Variants in TAF1B observed in about 807,000 individuals in gnomAD.
TAF1B encodes TATA-box binding protein associated factor, RNA polymerase I subunit B.
TAF1B carries 61 observed loss-of-function variants against 83.9 expected under a neutral mutation model. The observed-to-expected ratio is 0.73, with a 90% confidence interval of 0.59 to 0.90. The LOEUF is 0.90. Ranked by LOEUF, TAF1B falls within the 40% of genes least tolerant of loss-of-function variation. TAF1B has a pLI of 0.00. For missense variants in TAF1B, 625 were observed against 677.0 expected (o/e 0.92, Z 0.85); for synonymous variants, 221 against 224.6 (o/e 0.98, Z 0.14).
intron 5 of TAF1B, among the ~76,000 whole-genome samples, chr2:9,857,895 G>T (rs1016756996): frequency 1.3e-5 from 2 of 152,148 alleles, no homozygotes; most frequent in African/African-American, 4.8e-5. Context: ...AACATGTGGG[G>T]ATTACAATTC....
chr2:9,891,540 A>G (rs966659265), intron 8 of TAF1B, among the ~76,000 whole-genome samples: 5 of 152,276 alleles, frequency 3.3e-5, no homozygotes, highest in Admixed American at 2.6e-4. Flanking sequence ...TGTATTTACT[A>G]TACTTGTAAT....
At chr2:9,897,468 G>T (rs1027492025) in intron 8 of TAF1B, among the ~76,000 whole-genome samples, 1 of 152,300 alleles carries the variant, frequency 6.6e-6, no homozygotes, top group East Asian at 1.9e-4. Context: ...CTGGAAATTT[G>T]TTCTGAAGTA....
chr2:9,847,443 C>T (rs1003980022), intron 2 of TAF1B, among the ~76,000 whole-genome samples: 8 of 152,108 alleles, frequency 5.3e-5, no homozygotes, highest in African/African-American at 1.9e-4. Context: ...TGTTGAAATA[C>T]AGTGGGTGGG....
intron 9 of TAF1B, among the ~76,000 whole-genome samples, chr2:9,906,641 TTA>T (rs1476840739): frequency 2.0e-5 from 3 of 152,168 alleles, no homozygotes; most frequent in Admixed American, 6.5e-5. Context: ...TGGAAAATGT[TTA>T]TGTTATAATA....
chr2:9,859,317 C>T (rs988747085), intron 5 of TAF1B, among the ~76,000 whole-genome samples: 3 of 151,960 alleles, frequency 2.0e-5, no homozygotes, highest in Non-Finnish European at 4.4e-5. Context: ...TACTCCAGTT[C>T]CCAATAAGTT....
At chr2:9,857,397 G>A (rs909768819) in intron 5 of TAF1B, among the ~76,000 whole-genome samples, 1 of 152,184 alleles carries the variant, frequency 6.6e-6, no homozygotes, top group African/African-American at 2.4e-5. Flanking sequence ...CTTCCTGACG[G>A]ATTGGATGTG....
intron 14 of TAF1B, 112 bp from the exon 15 acceptor site, chr2:9,933,671 T>G (rs1666285947): frequency 1.1e-6 from 1 of 877,840 alleles, no homozygotes; most frequent in Non-Finnish European, 1.7e-6. Flanking sequence ...GGTCCTGTTT[T>G]AAGCCTAACC....
At chr2:9,866,420 A>G (rs1405253944) in intron 5 of TAF1B, among the ~76,000 whole-genome samples, 2 of 151,060 alleles carry the variant, frequency 1.3e-5, no homozygotes, top group African/African-American at 4.8e-5. Context: ...GGCGATCATT[A>G]AAAAGTCAGG....
chr2:9,901,903 T>G (rs1391028885), intron 8 of TAF1B, among the ~76,000 whole-genome samples: 1 of 152,116 alleles, frequency 6.6e-6, no homozygotes, highest in African/African-American at 2.4e-5. Flanking sequence ...AAAAAAAAAC[T>G]TAAAATGCCA....
chr2:9,847,424 C>T lies in TAF1B; in HGVS notation c.118-1949C>T, dbSNP rs567790257. Among the ~76,000 whole-genome samples, 45 of 152,224 alleles carry T rather than the reference C, an allele frequency of 3.0e-4. 1 individual carries two copies. Among genetic ancestry groups the T allele is most frequent in the African/African-American group, 1.1e-3 (44 of 41,522 alleles). ...GGCTCCCTGGAGCTGAGCAGTGTGG[C>T]GATGGTGATGTTGAAATACAGTGGG... is the stretch of plus-strand genomic sequence containing the variant. On this transcript the variant is annotated intron_variant, in intron 2 of 14. Transcript: ENST00000263663.
chr2:9,907,207 C>CA (rs1171528306), intron 9 of TAF1B, among the ~76,000 whole-genome samples: 1 of 142,494 alleles, frequency 7.0e-6, no homozygotes, highest in African/African-American at 2.6e-5. Context: ...TTTTTTTTAA[C>CA]AAAAAATAGA....
chr2:9,872,190 G>A lies in TAF1B; in HGVS notation c.554-3675G>A, dbSNP rs770034188. 3.3e-5 allele frequency among the ~76,000 whole-genome samples: 5 copies of A among 152,156 alleles called. 1 individual carries two copies. Among genetic ancestry groups the A allele is most frequent in the Non-Finnish European group, 1.5e-5 (1 of 68,038 alleles). On this transcript the variant is annotated intron_variant, in intron 6 of 14. Coordinates refer to ENST00000263663, the MANE Select transcript of TAF1B (RefSeq NM_005680.3). ...AAATACAAAAAATTAGATGGGTGTG[G>A]TGGCGCACGCCTGTAGTCCCAGCTA... is the stretch of plus-strand genomic sequence containing the variant.
At chr2:9,922,190 G>A (rs1218083470) in intron 14 of TAF1B, among the ~76,000 whole-genome samples, 1 of 152,218 alleles carries the variant, frequency 6.6e-6, no homozygotes, top group Non-Finnish European at 1.5e-5. Context: ...CTCTACAGCT[G>A]TGCTGACCCA....
At chr2:9,857,708 T>C (rs991226638) in intron 5 of TAF1B, among the ~76,000 whole-genome samples, 1 of 152,158 alleles carries the variant, frequency 6.6e-6, no homozygotes, top group Non-Finnish European at 1.5e-5. Context: ...AAGTAAGGCA[T>C]GTCTTACATG....
rs1320758452 is a variant in TAF1B, at chr2:9,900,954, C to G, written c.808-3905C>G. 3.9e-5 allele frequency among the ~76,000 whole-genome samples: 6 copies of G among 152,074 alleles called. No individual in the cohort carries two copies. In the East Asian group the frequency reaches 1.2e-3, roughly 29 times the overall value. On this transcript the variant is annotated intron_variant, in intron 8 of 14. Transcript: ENST00000263663. Reference sequence around the variant, plus strand: ...TGCCCAAATGAGCTGAGAGAAAAGTCCACCCAGATCCTAACAGAGGGTTTC... The same window carrying G: ...TGCCCAAATGAGCTGAGAGAAAAGTGCACCCAGATCCTAACAGAGGGTTTC...
At chr2:9,883,180 T>G (rs1019747739) in intron 8 of TAF1B, among the ~76,000 whole-genome samples, 6 of 152,220 alleles carry the variant, frequency 3.9e-5, no homozygotes, top group Non-Finnish European at 8.8e-5. Flanking sequence ...AGAAGAAAGT[T>G]ATTACCGTGT....
intron 4 of TAF1B, among the ~76,000 whole-genome samples, chr2:9,852,825 G>A (rs1663441319): frequency 6.6e-6 from 1 of 152,220 alleles, no homozygotes. Flanking sequence ...AAAAAGAACA[G>A]AGAAAGATCA....
At chr2:9,857,901 A>G (rs1025605895) in intron 5 of TAF1B, among the ~76,000 whole-genome samples, 1 of 152,166 alleles carries the variant, frequency 6.6e-6, no homozygotes, top group Non-Finnish European at 1.5e-5. Context: ...TGGGGATTAC[A>G]ATTCGAGATG....
rs1368825817 is a variant in TAF1B, at chr2:9,933,868, A to G, written c.1651A>G (p.Arg551Gly). ...ACTAAATCTCTTCTCCTTCCTGCTC[A>G]GAATAAAGACTTCCCTTCTCCATGA... is the stretch of plus-strand genomic sequence containing the variant. The part of the protein sequence containing the change: ...FILNLFSFLL[R>G]IKTSLLHEEV... Residue 551 changes from arginine to glycine, a missense_variant, in exon 15 of 15, where the codon AGA (arginine) becomes GGA (glycine). Coordinates refer to ENST00000263663, the MANE Select transcript of TAF1B (RefSeq NM_005680.3). The G allele has an allele frequency of 1.2e-6, 2 of 1,613,900 alleles. No homozygotes were observed. The highest frequency in any genetic ancestry group is 1.7e-6 in the Non-Finnish European group (2 of 1,179,834).
Sources: gnomAD v4.1 joint callset for allele counts (sites outside exome capture counted in the v4.1 genomes callset) on GRCh38, gnomAD v4.1.1 for gene constraint, MANE v1.5 for transcripts, NCBI Gene and HGNC (gene_info 2026-07-23, HGNC 2026-07-21) for gene names.